The following COL5A2 variants were observed in gnomAD, a reference collection of about 807,000 sequenced individuals.
The protein encoded by COL5A2 is collagen alpha-2(V) chain.
COL5A2 carries 23 observed loss-of-function variants against 208.2 expected under a neutral mutation model. The observed-to-expected ratio is 0.11, with a 90% CI of 0.08 to 0.16. The LOEUF is 0.16. Among genes scored for constraint, COL5A2 ranks in the 10% least tolerant of loss-of-function variants. COL5A2 has a pLI of 1.00. For missense variants in COL5A2, 1,590 were observed against 1,956.4 expected (o/e 0.81, Z 3.53); for synonymous variants, 625 against 628.5 (o/e 0.99, Z 0.08).
chr2:189,210,223 A>C (rs1287679298), intron 1 of COL5A2, among the ~76,000 whole-genome samples: 1 of 152,204 alleles, frequency 6.6e-6, no homozygotes, highest in Non-Finnish European at 1.5e-5. Flanking sequence ...GGAAACAAAA[A>C]GAAGAGGAAA....
chr2:189,389,744 A>G, the COL5A2 span, among the ~76,000 whole-genome samples: 1 of 152,192 alleles, frequency 6.6e-6, no homozygotes. Context: ...ATCACATAAC[A>G]TGGTTTCTCT....
intron 1 of COL5A2, among the ~76,000 whole-genome samples, chr2:189,169,494 A>T (rs1245688390): frequency 1.3e-5 from 2 of 152,204 alleles, no homozygotes; most frequent in African/African-American, 4.8e-5. Flanking sequence ...AACAGTAAAA[A>T]TTTTAAATGG....
At chr2:189,393,267 G>T in the COL5A2 span, among the ~76,000 whole-genome samples, 2 of 151,698 alleles carry the variant, frequency 1.3e-5, no homozygotes, top group African/African-American at 2.4e-5. Flanking sequence ...CCAATCTTGG[G>T]TCTGGCAATA....
chr2:189,323,490 A>G, the COL5A2 span, among the ~76,000 whole-genome samples: 122 of 152,304 alleles, frequency 8.0e-4, no homozygotes, highest in African/African-American at 2.8e-3. Flanking sequence ...ATACAAAATC[A>G]ATGTGCAAAA....
chr2:189,152,442 A>T (rs1688163197), intron 1 of COL5A2, among the ~76,000 whole-genome samples: 1 of 152,230 alleles, frequency 6.6e-6, no homozygotes, highest in Non-Finnish European at 1.5e-5. Flanking sequence ...ATGGCCATAC[A>T]CACAATGTAT....
chr2:189,108,803 A>G (rs1687201064), intron 2 of COL5A2, among the ~76,000 whole-genome samples: 1 of 150,606 alleles, frequency 6.6e-6, no homozygotes, highest in African/African-American at 2.4e-5. Flanking sequence ...TTATTTTCCT[A>G]TTCTCATGGC....
chr2:189,351,701 G>T, the COL5A2 span, among the ~76,000 whole-genome samples: 1 of 152,114 alleles, frequency 6.6e-6, no homozygotes, highest in South Asian at 2.1e-4. Flanking sequence ...CAAAAAGTGA[G>T]ATTTTGAGGA....
chr2:189,075,477 A>C, intron 16 of COL5A2, 40 bp from the exon 17 acceptor site: 1 of 1,491,718 alleles, frequency 6.7e-7, no homozygotes, highest in Admixed American at 1.7e-5. Flanking sequence ...ATAAGATTAC[A>C]TTTTAGACTA....
At chr2:189,303,700 C>T in the COL5A2 span, among the ~76,000 whole-genome samples, 27 of 152,208 alleles carry the variant, frequency 1.8e-4, no homozygotes, top group Non-Finnish European at 3.4e-4. Context: ...CAGCAGCACA[C>T]TTCAACCACT....
At chr2:189,078,887 T>C (rs1243140812) in intron 15 of COL5A2, among the ~76,000 whole-genome samples, 176 bp downstream of exon 15, 2 of 152,200 alleles carry the variant, frequency 1.3e-5, no homozygotes, top group Admixed American at 1.3e-4. Flanking sequence ...ACCTTTTCTG[T>C]TAGAAGGGCT....
intron 47 of COL5A2, among the ~76,000 whole-genome samples, chr2:189,043,910 G>A (rs928734505): frequency 1.3e-5 from 2 of 152,192 alleles, no homozygotes; most frequent in African/African-American, 4.8e-5. Flanking sequence ...AAAGAAAGCC[G>A]TAGTTAGGGA....
In COL5A2 at chr2:189,068,285, A is replaced by T; in HGVS notation, c.1258-15T>A. 6.2e-7 allele frequency: 1 copy of T among 1,603,270 alleles called. No homozygotes were observed. Among genetic ancestry groups the T allele is most frequent in the Non-Finnish European group, 8.5e-7 (1 of 1,170,652 alleles). On this transcript the variant is annotated splice_polypyrimidine_tract_variant and intron_variant, in intron 19 of 53. Transcript: ENST00000374866. ...CCTATTGCACCCTAAAAGGTACATTAAAAGTATGTAATGAAATATTAAGCA... is the reference window on the plus strand; with the variant it reads ...CCTATTGCACCCTAAAAGGTACATTTAAAGTATGTAATGAAATATTAAGCA...
At chr2:189,303,151 G>A in the COL5A2 span, among the ~76,000 whole-genome samples, 21 of 152,142 alleles carry the variant, frequency 1.4e-4, 1 homozygote, top group Non-Finnish European at 2.2e-4. Flanking sequence ...AGTTGAGATG[G>A]AAAGGACATT....
In COL5A2 at chr2:189,045,177, A is replaced by G. The variant is rs1559076442; in HGVS notation, c.3363+2T>C. 6.2e-7 allele frequency: 1 copy of G among 1,603,516 alleles called. No homozygotes were observed. Among genetic ancestry groups the G allele is most frequent in the Non-Finnish European group, 8.5e-7 (1 of 1,174,788 alleles). On this transcript the variant is annotated splice_donor_variant, in intron 47 of 53. Coordinates refer to ENST00000374866, the MANE Select transcript of COL5A2 (RefSeq NM_000393.5). LOFTEE classifies it high-confidence loss of function. ...TTTAAAAAACAAAAAAAGAGAACTT[A>G]CAGGTAATCCACGTTTCCCAGCTCG... is the stretch of plus-strand genomic sequence containing the variant.
intron 1 of COL5A2, among the ~76,000 whole-genome samples, chr2:189,206,011 C>T (rs1264014361): frequency 1.3e-5 from 2 of 152,084 alleles, no homozygotes; most frequent in Middle Eastern, 3.2e-3. Flanking sequence ...CTTAAGTCTG[C>T]GGTAAACTTT....
At chr2:189,331,197 T>C in the COL5A2 span, among the ~76,000 whole-genome samples, 1 of 151,950 alleles carries the variant, frequency 6.6e-6, no homozygotes, top group South Asian at 2.1e-4. Flanking sequence ...TAATAGCAGA[T>C]TGAATGTGGG....
intron 1 of COL5A2, among the ~76,000 whole-genome samples, chr2:189,164,678 T>C (rs559084311): frequency 2.0e-5 from 3 of 152,290 alleles, no homozygotes; most frequent in African/African-American, 7.2e-5. Context: ...ATATAATATA[T>C]GCTTATGTAA....
intron 2 of COL5A2, among the ~76,000 whole-genome samples, chr2:189,104,732 C>G (rs556244783): frequency 6.3e-4 from 96 of 151,872 alleles, no homozygotes; most frequent in African/African-American, 2.2e-3. Flanking sequence ...CCCCCACCCC[C>G]ACAGGAGGCC....
At chr2:189,338,757 T>C in the COL5A2 span, among the ~76,000 whole-genome samples, 1,890 of 150,026 alleles carry the variant, frequency 0.013, 34 homozygotes, top group African/African-American at 0.044. Context: ...TAAAATAAAA[T>C]ATGTTAACAT....
Sources: gnomAD v4.1 joint callset for allele counts (sites outside exome capture counted in the v4.1 genomes callset) on GRCh38, gnomAD v4.1.1 for gene constraint, MANE v1.5 for transcripts, NCBI Gene and HGNC (gene_info 2026-07-23, HGNC 2026-07-21) for gene names.